The following NAV2 variants were observed in gnomAD, a reference collection of about 807,000 sequenced individuals.
NAV2 encodes helicase, APC down-regulated 1.
Under a neutral mutation model 223.2 loss-of-function variants are expected in NAV2, and 54 were observed. That is an observed-to-expected ratio of 0.24 (90% CI 0.19 to 0.30). The LOEUF (loss-of-function observed/expected upper bound fraction) is 0.30. NAV2 is among the 10% of genes least tolerant of loss of function. NAV2 has a pLI of 1.00. For synonymous variants in NAV2, 1,279 were observed against 1,239.3 expected, an observed-to-expected ratio of 1.03 and a Z score of -0.67; for missense variants, 2,806 against 3,147.5, an observed-to-expected ratio of 0.89 and a Z score of 2.60.
At chr11:19,825,798 C>G (rs1159192459) in intron 1 of NAV2, among the ~76,000 whole-genome samples, 1 of 152,158 alleles carries the variant, frequency 6.6e-6, no homozygotes, top group African/African-American at 2.4e-5. Flanking sequence ...AAAATGTTCT[C>G]TTTTGGATTT....
intron 3 of NAV2, among the ~76,000 whole-genome samples, chr11:19,846,167 A>G (rs572898629): frequency 6.6e-6 from 1 of 152,340 alleles, no homozygotes; most frequent in African/African-American, 2.4e-5. Flanking sequence ...AAGTGGAGAC[A>G]GCCAGGCATG....
At chr11:19,406,184 A>T (rs954449925) in intron 1 of NAV2, among the ~76,000 whole-genome samples, 1 of 152,116 alleles carries the variant, frequency 6.6e-6, no homozygotes, top group African/African-American at 2.4e-5. Context: ...AACTTGTGCC[A>T]CCTGGTAGCC....
intron 1 of NAV2, among the ~76,000 whole-genome samples, chr11:19,441,184 T>C (rs542516181): frequency 3.9e-5 from 6 of 152,190 alleles, no homozygotes; most frequent in African/African-American, 1.4e-4. Flanking sequence ...GCAAAGGCCT[T>C]GGCAGGACAA....
At chr11:19,791,407 T>C (rs2057510862) in intron 1 of NAV2, among the ~76,000 whole-genome samples, 1 of 152,142 alleles carries the variant, frequency 6.6e-6, no homozygotes, top group Non-Finnish European at 1.5e-5. Flanking sequence ...GCCCGCCAAG[T>C]TCCTTTCCTT....
intron 1 of NAV2, among the ~76,000 whole-genome samples, chr11:19,509,552 G>T (rs138639761): frequency 2.6e-5 from 4 of 152,200 alleles, no homozygotes; most frequent in Non-Finnish European, 5.9e-5. Context: ...TTGTATTCCC[G>T]CACCGATGGT....
chr11:19,752,454 G>A (rs753331539), intron 1 of NAV2, among the ~76,000 whole-genome samples: 4 of 152,146 alleles, frequency 2.6e-5, no homozygotes, highest in Admixed American at 2.0e-4. Context: ...GTCAACCATA[G>A]GGATGGGAAA....
At chr11:19,669,787 G>A (rs957080099) in intron 1 of NAV2, among the ~76,000 whole-genome samples, 2 of 152,154 alleles carry the variant, frequency 1.3e-5, no homozygotes, top group Admixed American at 6.5e-5. Context: ...GCCCTTTTAA[G>A]GACAAGTGCC....
chr11:19,727,001 C>T (rs1363652138), intron 1 of NAV2, among the ~76,000 whole-genome samples: 1 of 152,188 alleles, frequency 6.6e-6, no homozygotes, highest in African/African-American at 2.4e-5. Flanking sequence ...TGGAGTCACC[C>T]TAGAAGAGGA....
At chr11:19,520,466 A>G (rs1032655983) in intron 1 of NAV2, among the ~76,000 whole-genome samples, 2 of 152,272 alleles carry the variant, frequency 1.3e-5, no homozygotes, top group African/African-American at 4.8e-5. Context: ...CCCATACCTC[A>G]GTGTACCTGA....
intron 1 of NAV2, chr11:19,760,181 A>G (rs931538452): frequency 3.9e-5 from 6 of 152,282 alleles, no homozygotes; most frequent in Non-Finnish European, 7.3e-5. Flanking sequence ...GTGGCCCAGC[A>G]TATCTGCTAG....
chr11:19,763,548 T>A (rs2054944881), intron 1 of NAV2, among the ~76,000 whole-genome samples: 1 of 152,176 alleles, frequency 6.6e-6, no homozygotes, highest in Admixed American at 6.5e-5. Context: ...CCTTTCTCAG[T>A]GGCTGCGGAA....
intron 6 of NAV2, among the ~76,000 whole-genome samples, chr11:19,895,914 G>A (rs2041941129): frequency 6.6e-6 from 1 of 152,000 alleles, no homozygotes; most frequent in South Asian, 2.1e-4. Flanking sequence ...CAGGTACCTG[G>A]ATGAGGTCAC....
intron 1 of NAV2, chr11:19,714,302 A>G (rs905250772): frequency 5.6e-6 from 3 of 540,334 alleles, no homozygotes; most frequent in African/African-American, 3.8e-5. Context: ...TCTTGGCCCC[A>G]AGAAGCCAGT....
intron 1 of NAV2, among the ~76,000 whole-genome samples, chr11:19,407,487 G>A (rs1385701410): frequency 6.6e-6 from 1 of 152,210 alleles, no homozygotes; most frequent in African/African-American, 2.4e-5. Context: ...GCAGAGTTAG[G>A]TGGTGTAAGC....
chr11:20,089,499 G>C (rs1470606953), intron 26 of NAV2, among the ~76,000 whole-genome samples: 1 of 152,158 alleles, frequency 6.6e-6, no homozygotes, highest in Non-Finnish European at 1.5e-5. Flanking sequence ...CAAACCCATA[G>C]CTTGGGTCTT....
At chr11:19,724,859 C>G (rs1443575159) in intron 1 of NAV2, among the ~76,000 whole-genome samples, 1 of 152,226 alleles carries the variant, frequency 6.6e-6, no homozygotes, top group Non-Finnish European at 1.5e-5. Flanking sequence ...TAAGTTCCTA[C>G]TTCCCCATTT....
At chr11:19,607,657 T>A (rs1330201753) in intron 1 of NAV2, among the ~76,000 whole-genome samples, 1 of 152,140 alleles carries the variant, frequency 6.6e-6, no homozygotes, top group Non-Finnish European at 1.5e-5. Flanking sequence ...GAGTCTCTAA[T>A]GAAAGGGTAT....
chr11:19,923,643 A>G (rs1008319156), intron 6 of NAV2, among the ~76,000 whole-genome samples: 1 of 152,214 alleles, frequency 6.6e-6, no homozygotes, highest in African/African-American at 2.4e-5. Flanking sequence ...TGTATTTACA[A>G]TAGTGTACAG....
chr11:20,116,686 A>G (rs900989646), intron 37 of NAV2, among the ~76,000 whole-genome samples: 2 of 152,314 alleles, frequency 1.3e-5, no homozygotes, highest in Non-Finnish European at 2.9e-5. Flanking sequence ...GAAATGCAGA[A>G]ACAGATTTCT....
Sources: allele counts gnomAD v4.1 joint callset (sites outside exome capture counted in the v4.1 genomes callset), GRCh38; gene constraint gnomAD v4.1.1; transcripts MANE v1.5; gene names NCBI Gene and HGNC (gene_info 2026-07-23, HGNC 2026-07-21).